The following DRC4 variants were observed in gnomAD, a reference collection of about 807,000 sequenced individuals.
DRC4 encodes the protein GAS-11.
At chr16:90,029,437 A>G in the DRC4 span, 1 of 763,496 alleles carries the variant, frequency 1.3e-6, no homozygotes, top group Non-Finnish European at 1.9e-6. Flanking sequence ...TTTATAAGAA[A>G]TCTGAATATT....
chr16:90,021,856 CAAAAA>C, the DRC4 span, among the ~76,000 whole-genome samples: 2 of 28,962 alleles, frequency 6.9e-5, no homozygotes, highest in African/African-American at 2.7e-4. Flanking sequence ...ACCCTGTCTC[CAAAAA>C]AAAAAAAAAA....
At chr16:90,025,019 T>C in the DRC4 span, among the ~76,000 whole-genome samples, 36,415 of 128,008 alleles carry the variant, frequency 0.28, 4,584 homozygotes, top group South Asian at 0.38. Flanking sequence ...CTCTCTCTCT[T>C]TTTTTTTTTT....
At chr16:90,038,432 C>T in the DRC4 span, among the ~76,000 whole-genome samples, 2 of 152,202 alleles carry the variant, frequency 1.3e-5, no homozygotes, top group Non-Finnish European at 2.9e-5. Context: ...CTTGGTGCTG[C>T]GTTTTGTGAA....
the DRC4 span, chr16:90,037,486 C>A: frequency 6.9e-7 from 1 of 1,442,548 alleles, no homozygotes; most frequent in Non-Finnish European, 9.4e-7. Context: ...GGGGCTTGGC[C>A]CTTAGGGCAG....
At chr16:90,037,358 A>G in the DRC4 span, 5 of 1,614,018 alleles carry the variant, frequency 3.1e-6, no homozygotes, top group Admixed American at 5.0e-5. Flanking sequence ...CGAGATGCAG[A>G]AACAGCTCGC....
the DRC4 span, chr16:90,036,293 T>C: frequency 8.3e-7 from 1 of 1,204,518 alleles, no homozygotes; most frequent in Non-Finnish European, 1.2e-6. Context: ...CAGTGGGCGT[T>C]TTGGGCCCGT....
chr16:90,041,462 C>T, the DRC4 span, among the ~76,000 whole-genome samples: 1 of 152,190 alleles, frequency 6.6e-6, no homozygotes, highest in Admixed American at 6.5e-5. Context: ...AGACCCTTGC[C>T]CACATCTGGG....
At chr16:90,036,806 G>T in the DRC4 span, 1 of 675,444 alleles carries the variant, frequency 1.5e-6, no homozygotes, top group South Asian at 1.6e-5. Flanking sequence ...TGCCCTCACC[G>T]TAGTGCAGAG....
At chr16:90,041,534 G>A in the DRC4 span, among the ~76,000 whole-genome samples, 15 of 152,302 alleles carry the variant, frequency 9.8e-5, no homozygotes, top group Admixed American at 2.6e-4. Flanking sequence ...AGCCGGGCGC[G>A]GTGGCTCACG....
the DRC4 span, chr16:90,031,596 T>A: frequency 5.5e-6 from 7 of 1,282,452 alleles, no homozygotes; most frequent in East Asian, 1.5e-4. Flanking sequence ...TGTTCTTGGC[T>A]TTGGGAGTCA....
chr16:90,019,746 G>A, the DRC4 span: 2 of 662,752 alleles, frequency 3.0e-6, no homozygotes. This position sits in a 1 kb window ranked among gnomAD's most constrained non-coding sequence, Gnocchi z 6.1. Context: ...CGCGCCCGCT[G>A]GCGTCCTCTT....
At chr16:90,032,208 C>T in the DRC4 span, among the ~76,000 whole-genome samples, 61,006 of 143,384 alleles carry the variant, frequency 0.43, 12,930 homozygotes, top group East Asian at 0.8. Flanking sequence ...GTTACAGGTA[C>T]GGTGCAGGTG....
the DRC4 span, chr16:90,039,629 C>T: frequency 6.5e-6 from 1 of 153,316 alleles, no homozygotes; most frequent in Non-Finnish European, 1.5e-5. Context: ...TCAGGCGATC[C>T]ACCCACCTCA....
chr16:90,027,984 C>T, the DRC4 span: 3 of 466,092 alleles, frequency 6.4e-6, no homozygotes, highest in Admixed American at 3.7e-5. Flanking sequence ...GATCTAAAAG[C>T]TGTTTTTAAT....
the DRC4 span, among the ~76,000 whole-genome samples, chr16:90,027,332 T>C: frequency 8.2e-4 from 124 of 150,858 alleles, no homozygotes; most frequent in East Asian, 0.02. Flanking sequence ...TCGTGATCCG[T>C]CCACCTCGGC....
At chr16:90,039,843 G>A in the DRC4 span, 14 of 201,148 alleles carry the variant, frequency 7.0e-5, no homozygotes, top group Non-Finnish European at 2.1e-5. Context: ...TTTGTGGGGC[G>A]GACAGCACAT....
chr16:90,023,390 G>A, the DRC4 span, among the ~76,000 whole-genome samples: 2 of 152,140 alleles, frequency 1.3e-5, no homozygotes, highest in Non-Finnish European at 2.9e-5. Context: ...CTCTTGTAAA[G>A]GGCTCTCCCT....
At chr16:90,023,338 G>C in the DRC4 span, among the ~76,000 whole-genome samples, 1 of 152,184 alleles carries the variant, frequency 6.6e-6, no homozygotes, top group Non-Finnish European at 1.5e-5. Context: ...CCGAGAAGAG[G>C]AAGGCGGAGC....
chr16:90,042,928 C>G, the DRC4 span: 1 of 525,236 alleles, frequency 1.9e-6, no homozygotes, highest in East Asian at 3.1e-5. Flanking sequence ...CCTCCCAGAC[C>G]ACAGCTCTGC....
Sources: allele counts gnomAD v4.1 joint callset (sites outside exome capture counted in the v4.1 genomes callset), GRCh38; gene constraint gnomAD v4.1.1; non-coding constraint Gnocchi (gnomAD v3.1); transcripts MANE v1.5; gene names NCBI Gene and HGNC (gene_info 2026-07-23, HGNC 2026-07-21).